The following PLCG2 variants were observed in gnomAD, a reference collection of about 807,000 sequenced individuals.
PLCG2 encodes the protein phospholipase C gamma 2, also known as 1-phosphatidylinositol 4,5-bisphosphate phosphodiesterase gamma-2.
In PLCG2, 69 loss-of-function variants were observed where a neutral mutation model predicts 175.6. That is an observed-to-expected ratio of 0.39 (90% CI 0.32 to 0.48). The LOEUF (loss-of-function observed/expected upper bound fraction) is 0.48. PLCG2 is among the 20% of genes least tolerant of loss of function. PLCG2 has a pLI of 0.91. For missense variants in PLCG2, 1,798 were observed against 1,650.9 expected, an observed-to-expected ratio of 1.09 and a Z score of -1.54; for synonymous variants, 827 against 624.0, an observed-to-expected ratio of 1.33 and a Z score of -4.85.
chr16:81,852,722 T>C (rs574242070), intron 2 of PLCG2, among the ~76,000 whole-genome samples: 1 of 152,334 alleles, frequency 6.6e-6, no homozygotes, highest in East Asian at 1.9e-4. Flanking sequence ...ACAACAATCA[T>C]TTTATTTATT....
At chr16:81,805,196 C>G (rs576259909) in intron 2 of PLCG2, among the ~76,000 whole-genome samples, 118 of 152,160 alleles carry the variant, frequency 7.8e-4, no homozygotes, top group African/African-American at 2.6e-3. Context: ...AAATAGGCAA[C>G]TCTTAAAACT....
Position 81,854,574 on chromosome 16 carries a change from G to A in PLCG2, c.324G>A (p.Thr108=), listed in dbSNP as rs189282309. 8.1e-6 allele frequency: 13 copies of A among 1,613,556 alleles called. No individual in the cohort carries two copies. The highest frequency in any genetic ancestry group is 1.6e-4 in the Middle Eastern group (1 of 6,082). Residue 108 remains threonine, a synonymous_variant, in exon 3 of 33, where the codon ACG becomes ACA. Coordinates refer to ENST00000564138, the MANE Select transcript of PLCG2 (RefSeq NM_002661.5). The part of the protein sequence containing the change: ...ILYGTQFVLS[T]LSLAADSKED... ...ATGGCACTCAGTTCGTCCTCAGCAC[G>A]CTCAGCTTGGCAGGTAGGTGCATGT...
rs115300321 is a variant in PLCG2 at position 81,928,888 on chromosome 16, G to A, written c.2581+264G>A. 712 of 417,346 alleles carry A rather than the reference G, an allele frequency of 1.7e-3. 7 individuals carry two copies. Among genetic ancestry groups the A allele is most frequent in the African/African-American group, 0.013 (667 of 51,584 alleles). The allele number at this position is 417,346 out of a possible 1,614,324, so 25.9% of individuals were successfully genotyped here. ...GTGGTTAGCGGATATTATTACCAGC[G>A]TCACTCTTATTATTTCAGGATCCAT... On this transcript the variant is annotated intron_variant, in intron 24 of 32. Coordinates refer to ENST00000564138, the MANE Select transcript of PLCG2 (RefSeq NM_002661.5).
intron 9 of PLCG2, among the ~76,000 whole-genome samples, chr16:81,888,247 G>T (rs1263400981): frequency 6.6e-6 from 1 of 152,164 alleles, no homozygotes; most frequent in Non-Finnish European, 1.5e-5. Flanking sequence ...GTTTCACTCT[G>T]TTGTCCAGGC....
Position 81,833,233 on chromosome 16 carries a change from T to C in PLCG2, c.194-21211T>C, listed in dbSNP as rs1905342949. 2.0e-5 allele frequency among the ~76,000 whole-genome samples: 3 copies of C among 152,120 alleles called. 1 individual carries two copies. The South Asian group carries it at 6.2e-4, about 32-fold the overall frequency. On this transcript the variant is annotated intron_variant, in intron 2 of 32. Transcript: ENST00000564138. ...TGAAAATCACCCTTTAAAGAAGGAG[T>C]GCTTTACCTTTCTGTGGGGGCCACA...
intron 20 of PLCG2, among the ~76,000 whole-genome samples, chr16:81,919,923 G>A (rs577951830): frequency 2.0e-5 from 3 of 152,302 alleles, no homozygotes; most frequent in Admixed American, 1.3e-4. Context: ...AAAACACTGG[G>A]CAGGTGGATA....
rs1911806833 is a variant in PLCG2, at chr16:81,962,292, T to G, written c.*4294T>G. 5.0e-6 allele frequency: 1 copy of G among 198,766 alleles called. No individual in the cohort carries two copies. The highest frequency in any genetic ancestry group is 1.0e-5 in the Non-Finnish European group (1 of 96,300). 12.3% of individuals were successfully genotyped at this position (198,766 alleles called of 1,614,324 possible). On this transcript the variant is annotated 3_prime_UTR_variant, in exon 33 of 33. Transcript: ENST00000564138. Reference sequence around the variant, plus strand: ...ACCTTCAACCTGTGTGACATTTAACTTTTTGAACCCAACCGTAAAAGCTAT... The same window carrying G: ...ACCTTCAACCTGTGTGACATTTAACGTTTTGAACCCAACCGTAAAAGCTAT...
chr16:81,868,941 T>C (rs529884237), intron 5 of PLCG2, among the ~76,000 whole-genome samples: 2 of 152,352 alleles, frequency 1.3e-5, no homozygotes, highest in Admixed American at 1.3e-4. Context: ...TGGACATACC[T>C]GAAGGGTGGA....
Position 81,936,191 on chromosome 16 carries a change from C to A in PLCG2, c.2865C>A (p.Ile955=). 1 of 1,614,118 alleles carries A rather than the reference C, an allele frequency of 6.2e-7. No individual in the cohort carries two copies. ...DNLENPDFRE[I]RSFVETKADS... is the part of the protein sequence containing the mutation. ...CAGAAAATCCTGACTTCCGAGAAAT[C>A]CGCTCCTTTGTGGAGACGAAGGCTG... The change falls in exon 27 of 33, where the codon ATC becomes ATA. Residue 955 remains isoleucine (I), a synonymous_variant. Transcript: ENST00000564138.
intron 2 of PLCG2, among the ~76,000 whole-genome samples, chr16:81,817,747 A>G (rs1255276792): frequency 6.6e-6 from 1 of 152,226 alleles, no homozygotes; most frequent in African/African-American, 2.4e-5. Flanking sequence ...TTGGCCTCTC[A>G]GAGAGCTGGG....
chr16:81,913,326 T>G (rs574844785), intron 19 of PLCG2, among the ~76,000 whole-genome samples: 1 of 152,328 alleles, frequency 6.6e-6, no homozygotes, highest in Admixed American at 6.5e-5. Flanking sequence ...TATGTTGAGT[T>G]CCTAACCGTG....
At chr16:81,832,517 G>T (rs1905302437) in intron 2 of PLCG2, among the ~76,000 whole-genome samples, 1 of 152,148 alleles carries the variant, frequency 6.6e-6, no homozygotes, top group Non-Finnish European at 1.5e-5. Flanking sequence ...AGCCTCCCAG[G>T]TAGCTGGGAC....
chr16:81,820,972 G>A (rs1904772524), intron 2 of PLCG2, among the ~76,000 whole-genome samples: 1 of 149,130 alleles, frequency 6.7e-6, no homozygotes, highest in South Asian at 2.1e-4. Flanking sequence ...GGCTAGGCTG[G>A]TCTAGAACTC....
chr16:81,952,450 T>C (rs1911404784), intron 31 of PLCG2, among the ~76,000 whole-genome samples: 1 of 152,142 alleles, frequency 6.6e-6, no homozygotes, highest in Non-Finnish European at 1.5e-5. Flanking sequence ...CTTAGACAAG[T>C]GGTTGATTTC....
chr16:81,771,046 A>G (rs1910268189), intron 2 of PLCG2, among the ~76,000 whole-genome samples: 1 of 129,010 alleles, frequency 7.8e-6, no homozygotes, highest in African/African-American at 2.9e-5. Flanking sequence ...TGACAGAGCG[A>G]GACTCCATCT....
At chr16:81,837,079 T>A (rs1905556369) in intron 2 of PLCG2, among the ~76,000 whole-genome samples, 1 of 152,156 alleles carries the variant, frequency 6.6e-6, no homozygotes, top group Admixed American at 6.5e-5. Context: ...CCATCCAAGT[T>A]AAGGTAGTTG....
At chr16:81,867,577 G>A (rs1383319589) in intron 5 of PLCG2, among the ~76,000 whole-genome samples, 2 of 151,894 alleles carry the variant, frequency 1.3e-5, no homozygotes, top group East Asian at 1.9e-4. Flanking sequence ...TGCATATAAG[G>A]CACCACCTAG....
chr16:81,910,449 C>T, intron 17 of PLCG2, 71 bp from the exon 18 acceptor site: 7 of 1,389,994 alleles, frequency 5.0e-6, no homozygotes, highest in Non-Finnish European at 6.1e-6. Flanking sequence ...ATGTCCCCGC[C>T]TCTGAGGCCC....
At chr16:81,918,630 G>A (rs768191119) in intron 19 of PLCG2, among the ~76,000 whole-genome samples, 1 of 152,008 alleles carries the variant, frequency 6.6e-6, no homozygotes, top group African/African-American at 2.4e-5. Context: ...TGCCACTGTT[G>A]TGCTATTTTT....
Sources: gnomAD v4.1 joint callset for allele counts (sites outside exome capture counted in the v4.1 genomes callset) on GRCh38, gnomAD v4.1.1 for gene constraint, MANE v1.5 for transcripts, NCBI Gene and HGNC (gene_info 2026-07-23, HGNC 2026-07-21) for gene names.